The following NSRP1 variants were observed in gnomAD, a reference collection of about 807,000 sequenced individuals.
NSRP1 encodes the protein coiled-coil domain containing 55.
A neutral mutation model predicts 54.7 loss-of-function variants in NSRP1; 24 were observed. The observed-to-expected ratio is 0.44, with a 90% CI of 0.32 to 0.62. The LOEUF (loss-of-function observed/expected upper bound fraction) is 0.62. Ranked by LOEUF, NSRP1 falls within the 20% of genes least tolerant of loss-of-function variation. The pLI, the probability that NSRP1 is intolerant of heterozygous loss-of-function variation, is 0.06. For synonymous variants in NSRP1, 210 were observed against 213.8 expected (o/e 0.98, Z 0.15); for missense variants, 596 against 651.2 (o/e 0.92, Z 0.92).
At chr17:30,153,013 A>G (rs1282376435) in intron 2 of NSRP1, among the ~76,000 whole-genome samples, 1 of 148,634 alleles carries the variant, frequency 6.7e-6, no homozygotes, top group Non-Finnish European at 1.5e-5. Flanking sequence ...TCCCAGGTTC[A>G]AGTGATTCTC....
chr17:30,147,007 T>A (rs561810628), intron 2 of NSRP1, among the ~76,000 whole-genome samples: 1 of 152,396 alleles, frequency 6.6e-6, no homozygotes, highest in East Asian at 1.9e-4. Flanking sequence ...TGTTGAAAAA[T>A]GTCCTTAGTG....
chr17:30,140,001 G>A (rs1023070586), intron 2 of NSRP1, among the ~76,000 whole-genome samples: 2 of 152,166 alleles, frequency 1.3e-5, no homozygotes, highest in African/African-American at 4.8e-5. Flanking sequence ...TCCAGCCTGG[G>A]TGACAGAGTG....
chr17:30,159,893 C>T (rs1435692147), intron 2 of NSRP1, among the ~76,000 whole-genome samples: 2 of 152,148 alleles, frequency 1.3e-5, no homozygotes, highest in East Asian at 1.9e-4. Flanking sequence ...GACTCCTGAC[C>T]TCAAGTGATC....
intron 6 of NSRP1, among the ~76,000 whole-genome samples, 156 bp downstream of exon 6, chr17:30,181,172 A>G (rs922508905): frequency 6.6e-5 from 10 of 152,176 alleles, no homozygotes; most frequent in Non-Finnish European, 1.5e-4. Context: ...AGAAATTTGC[A>G]GTTTCTTGAT....
At chr17:30,121,662 C>G (rs866377396) in intron 2 of NSRP1, among the ~76,000 whole-genome samples, 4 of 148,684 alleles carry the variant, frequency 2.7e-5, no homozygotes, top group African/African-American at 1.0e-4. Flanking sequence ...CTCCACCTCC[C>G]GGGTTCAAGC....
At chr17:30,167,162 A>T (rs1904761825) in intron 2 of NSRP1, among the ~76,000 whole-genome samples, 1 of 152,040 alleles carries the variant, frequency 6.6e-6, no homozygotes, top group Admixed American at 6.6e-5. Context: ...TGTGTGGCTT[A>T]TTTTACTTAA....
chr17:30,179,378 A>C, intron 5 of NSRP1, 81 bp downstream of exon 5: 1 of 1,436,292 alleles, frequency 7.0e-7, no homozygotes, highest in East Asian at 2.5e-5. Context: ...TCTGTCACTG[A>C]ACTTTAGGGT....
intron 2 of NSRP1, among the ~76,000 whole-genome samples, chr17:30,160,936 G>C (rs907291833): frequency 5.3e-5 from 8 of 152,182 alleles, no homozygotes; most frequent in African/African-American, 1.7e-4. Flanking sequence ...GGCTTTGTTA[G>C]GATTAGGGGC....
chr17:30,165,669 T>C (rs1904705021), intron 2 of NSRP1, among the ~76,000 whole-genome samples: 1 of 152,208 alleles, frequency 6.6e-6, no homozygotes, highest in Admixed American at 6.5e-5. Flanking sequence ...GTTTATGAAT[T>C]AGTTCCTACT....
At chr17:30,160,779 T>G (rs1368481254) in intron 2 of NSRP1, among the ~76,000 whole-genome samples, 1 of 152,232 alleles carries the variant, frequency 6.6e-6, no homozygotes, top group Non-Finnish European at 1.5e-5. Flanking sequence ...TGGATACTAC[T>G]GGTAGTAAGT....
chr17:30,121,993 A>G (rs1198976992), intron 2 of NSRP1, among the ~76,000 whole-genome samples: 2 of 151,994 alleles, frequency 1.3e-5, no homozygotes, highest in African/African-American at 4.8e-5. Flanking sequence ...CCTGGCAACC[A>G]CTAATTTACT....
At chr17:30,183,757 A>C (rs926884559) in intron 6 of NSRP1, among the ~76,000 whole-genome samples, 37 of 152,178 alleles carry the variant, frequency 2.4e-4, no homozygotes, top group African/African-American at 8.9e-4. Context: ...TAATGGACAA[A>C]TTAATATATT....
chr17:30,168,286 GT>G (rs1267306251), intron 2 of NSRP1: 1 of 152,012 alleles, frequency 6.6e-6, no homozygotes, highest in Admixed American at 6.6e-5. Flanking sequence ...TATTTCTGAA[GT>G]TGTTAGGATT....
chr17:30,168,712 T>C (rs1265734540), intron 2 of NSRP1: 1 of 151,516 alleles, frequency 6.6e-6, no homozygotes, highest in Non-Finnish European at 1.5e-5. Flanking sequence ...TTTTATGTTA[T>C]ATAGAAGATC....
chr17:30,169,631 A>G (rs1468072337), intron 2 of NSRP1, among the ~76,000 whole-genome samples: 1 of 152,114 alleles, frequency 6.6e-6, no homozygotes, highest in Non-Finnish European at 1.5e-5. Context: ...CACAACTAGT[A>G]TACTTAGCAT....
rs1159125605 is a variant in NSRP1, at chr17:30,137,336, T to C, written c.114+19163T>C. On this transcript the variant is annotated intron_variant, in intron 2 of 6. Coordinates refer to ENST00000247026, the MANE Select transcript of NSRP1 (RefSeq NM_032141.4). The stretch of plus-strand genomic sequence containing the variant: ...AGGTGCACCTCCCTGTGAGAGAGTA[T>C]ACTTCCTACCTTCTTGATATCAGGC... 2.0e-5 allele frequency among the ~76,000 whole-genome samples: 3 copies of C among 152,254 alleles called. No individual in the cohort carries two copies. The South Asian group carries it at 6.2e-4, about 32-fold the overall frequency.
chr17:30,179,193 G>T lies in NSRP1; in HGVS notation c.404G>T (p.Gly135Val). ...CAGAGAGAACGAGAAATGGAAAAGG[G>T]GGAGTTTGATGATAAAGAAGCATTT... is the stretch of plus-strand genomic sequence containing the variant. ...KIQREREMEK[G>V]EFDDKEAFVT... The change falls in exon 5 of 7, where the codon GGG (glycine) becomes GTG (valine). Residue 135 changes from glycine to valine, a missense_variant. By Grantham distance (109) the Gly-to-Val change is moderately radical (BLOSUM62 -3). Transcript: ENST00000247026. The T allele has an allele frequency of 6.2e-7, 1 of 1,611,430 alleles. No homozygotes were observed. The highest frequency in any genetic ancestry group is 1.3e-5 in the African/African-American group (1 of 74,942).
intron 6 of NSRP1, among the ~76,000 whole-genome samples, chr17:30,182,072 TAAA>T (rs1298399300): frequency 2.1e-5 from 2 of 93,780 alleles, no homozygotes; most frequent in African/African-American, 4.0e-5. Context: ...TTTTTTTTTT[TAAA>T]TAAGAATGTG....
chr17:30,135,334 G>A (rs965035523), intron 2 of NSRP1, among the ~76,000 whole-genome samples: 8 of 151,016 alleles, frequency 5.3e-5, no homozygotes, highest in African/African-American at 1.7e-4. Context: ...TGTTGGCCCA[G>A]GCTGGTCTTG....
Sources: gnomAD v4.1 joint callset for allele counts (sites outside exome capture counted in the v4.1 genomes callset) on GRCh38, gnomAD v4.1.1 for gene constraint, MANE v1.5 for transcripts, NCBI Gene and HGNC (gene_info 2026-07-23, HGNC 2026-07-21) for gene names.